Variants in AGBL4 observed in about 807,000 individuals in gnomAD.
AGBL4 encodes AGBL carboxypeptidase 4.
Under a neutral mutation model 66.4 loss-of-function variants are expected in AGBL4, and 58 were observed. That is an observed-to-expected ratio of 0.87 (90% CI 0.71 to 1.09). The LOEUF (loss-of-function observed/expected upper bound fraction) is 1.09. AGBL4 is among the 50% of genes least tolerant of loss of function. The pLI, the probability that AGBL4 is intolerant of heterozygous loss-of-function variation, is 0.00. For synonymous variants in AGBL4, 234 were observed against 222.9 expected (o/e 1.05, Z -0.44); for missense variants, 579 against 631.0 (o/e 0.92, Z 0.88).
At chr1:49,113,644 A>T (rs755863778) in intron 4 of AGBL4, among the ~76,000 whole-genome samples, 1 of 152,242 alleles carries the variant, frequency 6.6e-6, no homozygotes, top group Non-Finnish European at 1.5e-5. Flanking sequence ...ATCATTATCT[A>T]TGGCAGCTAT....
At chr1:49,939,026 A>G (rs962845512) in intron 1 of AGBL4, among the ~76,000 whole-genome samples, 4 of 152,028 alleles carry the variant, frequency 2.6e-5, no homozygotes, top group Admixed American at 6.6e-5. Context: ...AAATCAATGT[A>G]CAAAAATCAC....
At chr1:49,415,624 A>C (rs758462320) in intron 3 of AGBL4, among the ~76,000 whole-genome samples, 1 of 152,126 alleles carries the variant, frequency 6.6e-6, no homozygotes, top group Non-Finnish European at 1.5e-5. Context: ...AGGCTAAAGA[A>C]TATGAACTTT....
At chr1:48,672,616 A>G (rs193211576) in intron 6 of AGBL4, among the ~76,000 whole-genome samples, 3 of 152,254 alleles carry the variant, frequency 2.0e-5, no homozygotes, top group Non-Finnish European at 4.4e-5. Flanking sequence ...TTAACTTGCC[A>G]TGCAGTTCCA....
intron 3 of AGBL4, among the ~76,000 whole-genome samples, chr1:49,549,035 T>TCTAGGTTTCCTAGTTTATGCGCATAAA (rs1252636082): frequency 1.6e-4 from 24 of 152,190 alleles, no homozygotes; most frequent in Non-Finnish European, 2.5e-4. Context: ...ATCCATCTCT[T>TCTAGGTTTCCTAGTTTATGCGCATAAA]CTAGGTTTCC....
chr1:48,818,893 T>G (rs980927163), intron 6 of AGBL4, among the ~76,000 whole-genome samples: 1 of 152,142 alleles, frequency 6.6e-6, no homozygotes, highest in African/African-American at 2.4e-5. Context: ...AGGAAATGAT[T>G]TGTCATAATG....
intron 3 of AGBL4, among the ~76,000 whole-genome samples, chr1:49,397,280 A>T (rs971515169): frequency 3.9e-5 from 6 of 152,198 alleles, no homozygotes; most frequent in African/African-American, 1.2e-4. Flanking sequence ...TCTCAGGGTC[A>T]GCTGCCCCAT....
intron 4 of AGBL4, among the ~76,000 whole-genome samples, chr1:49,145,711 C>T (rs1646205152): frequency 6.6e-6 from 1 of 152,036 alleles, no homozygotes; most frequent in Non-Finnish European, 1.5e-5. Context: ...CTTCAAAAAA[C>T]TAAAAATAGA....
intron 6 of AGBL4, among the ~76,000 whole-genome samples, chr1:48,779,092 G>T (rs1645222754): frequency 6.6e-6 from 1 of 152,140 alleles, no homozygotes; most frequent in African/African-American, 2.4e-5. Context: ...GTGGTCAAGG[G>T]GAAGTAATGT....
intron 4 of AGBL4, among the ~76,000 whole-genome samples, chr1:49,183,946 T>C (rs989456418): frequency 6.6e-6 from 1 of 152,134 alleles, no homozygotes; most frequent in Admixed American, 6.5e-5. Context: ...ATATAGACTA[T>C]CTACCTGAAT....
At chr1:49,075,642 T>G (rs1225957250) in intron 4 of AGBL4, among the ~76,000 whole-genome samples, 1 of 152,202 alleles carries the variant, frequency 6.6e-6, no homozygotes, top group East Asian at 1.9e-4. Context: ...GGCATCAAGA[T>G]AGTGCAGGCC....
rs71647745 is a variant in AGBL4, at chr1:49,646,395, A to G, written c.282+50918T>C. Among the ~76,000 whole-genome samples, 1,088 of 152,056 alleles carry G rather than the reference A, an allele frequency of 7.2e-3. 7 individuals are homozygous for G. The highest frequency in any genetic ancestry group is 0.012 in the Non-Finnish European group (815 of 67,828). ...CTCAACTGTATTTCTATGCACAAGC[A>G]ATTAATAATTGAAAGCTGAAATTTA... On this transcript the variant is annotated intron_variant, in intron 3 of 13. Transcript: ENST00000371839.
At chr1:48,926,244 AT>A in intron 5 of AGBL4, among the ~76,000 whole-genome samples, 1 of 142,352 alleles carries the variant, frequency 7.0e-6, no homozygotes, top group South Asian at 2.3e-4. Context: ...ATGACCATGA[AT>A]TATTTTATTT....
chr1:49,359,005 T>G (rs1234496590), intron 3 of AGBL4, among the ~76,000 whole-genome samples: 1 of 151,794 alleles, frequency 6.6e-6, no homozygotes, highest in Non-Finnish European at 1.5e-5. Context: ...AAGGTCTTGT[T>G]TTATTACTTA....
chr1:49,134,277 C>T (rs1271261182), intron 4 of AGBL4, among the ~76,000 whole-genome samples: 2 of 152,088 alleles, frequency 1.3e-5, no homozygotes, highest in Non-Finnish European at 2.9e-5. Context: ...AATGAAGTTC[C>T]ATGTACCACT....
intron 3 of AGBL4, among the ~76,000 whole-genome samples, chr1:49,556,591 C>A (rs189894664): frequency 4.4e-3 from 674 of 151,896 alleles, no homozygotes; most frequent in Middle Eastern, 0.01. Context: ...AAACCTTTAT[C>A]TAGACATAAA....
rs531142350 is a variant in AGBL4, at chr1:49,696,358, AC to A, written c.282+954del. 1.4e-3 allele frequency among the ~76,000 whole-genome samples: 210 copies of A among 152,256 alleles called. 1 individual carries two copies. Among genetic ancestry groups the A allele is most frequent in the African/African-American group, 4.7e-3 (197 of 41,546 alleles). ...AATAGGATTCGAAAGTATTATAAAAACGTGCACTATTAAAAAAATGTAGCTG... is the reference window on the plus strand; with the variant it reads ...AATAGGATTCGAAAGTATTATAAAAAGTGCACTATTAAAAAAATGTAGCTG... On this transcript the variant is annotated intron_variant, in intron 3 of 13. Transcript: ENST00000371839.
At chr1:49,770,871 C>T (rs777867391) in intron 2 of AGBL4, among the ~76,000 whole-genome samples, 15 of 152,078 alleles carry the variant, frequency 9.9e-5, no homozygotes, top group Non-Finnish European at 1.9e-4. Context: ...CCCTTCTCAT[C>T]TCTGATTTTA....
intron 5 of AGBL4, among the ~76,000 whole-genome samples, chr1:48,957,732 G>A (rs966395432): frequency 2.6e-5 from 4 of 152,182 alleles, no homozygotes; most frequent in African/African-American, 9.7e-5. Context: ...AGCTCTGGCT[G>A]ATACAGCATC....
intron 3 of AGBL4, among the ~76,000 whole-genome samples, chr1:49,595,017 T>A (rs527364374): frequency 5.9e-5 from 9 of 152,178 alleles, no homozygotes; most frequent in African/African-American, 1.7e-4. Context: ...TTTCTCCACA[T>A]CCTCACCAGC....
Sources: gnomAD v4.1 joint callset for allele counts (sites outside exome capture counted in the v4.1 genomes callset) on GRCh38, gnomAD v4.1.1 for gene constraint, MANE v1.5 for transcripts, NCBI Gene and HGNC (gene_info 2026-07-23, HGNC 2026-07-21) for gene names.